Variants in SLC4A5 observed in about 807,000 individuals in gnomAD.
SLC4A5 encodes electrogenic sodium bicarbonate cotransporter 4.
In SLC4A5, 96 loss-of-function variants were observed where a neutral mutation model predicts 120.4. That is an observed-to-expected ratio of 0.80 (90% CI 0.68 to 0.94). SLC4A5 has a LOEUF of 0.94. Ranked by LOEUF, SLC4A5 falls within the 40% of genes least tolerant of loss-of-function variation. The pLI, the probability that SLC4A5 is intolerant of heterozygous loss-of-function variation, is 0.00. For missense variants in SLC4A5, 1,259 were observed against 1,459.5 expected (o/e 0.86, Z 2.24); for synonymous variants, 550 against 571.1 (o/e 0.96, Z 0.53).
intron 6 of SLC4A5, among the ~76,000 whole-genome samples, chr2:74,311,763 G>C (rs1468355539): frequency 1.3e-5 from 2 of 152,138 alleles, no homozygotes; most frequent in Non-Finnish European, 2.9e-5. Context: ...AGCTTGAGAA[G>C]AATGTGCATT....
chr2:74,250,651 AC>A, intron 16 of SLC4A5, 134 bp from the exon 17 acceptor site: 1 of 1,064,936 alleles, frequency 9.4e-7, no homozygotes, highest in Non-Finnish European at 1.4e-6. Context: ...AGATCTTTCC[AC>A]CAGAACATTT....
chr2:74,261,217 C>G (rs1466799907), intron 11 of SLC4A5, among the ~76,000 whole-genome samples: 2 of 152,210 alleles, frequency 1.3e-5, no homozygotes, highest in Non-Finnish European at 2.9e-5. Context: ...TAAGCAGTGT[C>G]AGTAGGGAGG....
intron 8 of SLC4A5, 132 bp downstream of exon 8, chr2:74,285,641 A>G (rs922879602): frequency 9.9e-7 from 1 of 1,008,456 alleles, no homozygotes; most frequent in Admixed American, 2.7e-5. Flanking sequence ...ACACCAAGGA[A>G]GGCAGCTGGG....
intron 4 of SLC4A5, among the ~76,000 whole-genome samples, chr2:74,330,165 T>C (rs1673317415): frequency 8.5e-6 from 1 of 117,238 alleles, no homozygotes; most frequent in Non-Finnish European, 1.8e-5. Flanking sequence ...TAGATGGAGG[T>C]AGCGAGGTCT....
At chr2:74,305,164 T>A (rs907610265) in intron 6 of SLC4A5, among the ~76,000 whole-genome samples, 2 of 152,188 alleles carry the variant, frequency 1.3e-5, no homozygotes, top group African/African-American at 2.4e-5. Flanking sequence ...GCTGGCTTTG[T>A]AAACTAAAAT....
intron 6 of SLC4A5, chr2:74,307,042 C>G: frequency 1.7e-6 from 1 of 573,680 alleles, no homozygotes; most frequent in Non-Finnish European, 3.3e-6. Flanking sequence ...GCCTCCACCT[C>G]CCTCAGGCTG....
intron 25 of SLC4A5, among the ~76,000 whole-genome samples, chr2:74,229,729 G>A (rs1694992854): frequency 6.6e-6 from 1 of 152,038 alleles, no homozygotes; most frequent in African/African-American, 2.4e-5. Context: ...CCCCCACAAG[G>A]GAAATATCCC....
chr2:74,227,217 G>C, intron 26 of SLC4A5, 87 bp from the exon 27 acceptor site: 1 of 1,438,314 alleles, frequency 7.0e-7, no homozygotes, highest in Non-Finnish European at 9.3e-7. Context: ...GCCTGGGTGG[G>C]GTCTCAGAGA....
chr2:74,294,867 C>T (rs1319445094), intron 7 of SLC4A5, among the ~76,000 whole-genome samples: 3 of 151,990 alleles, frequency 2.0e-5, no homozygotes, highest in East Asian at 1.9e-4. Flanking sequence ...AAACTGGGTT[C>T]GCCATGTTGG....
chr2:74,229,749 G>A (rs1694993179), intron 25 of SLC4A5, among the ~76,000 whole-genome samples: 1 of 152,110 alleles, frequency 6.6e-6, no homozygotes, highest in Admixed American at 6.5e-5. Flanking sequence ...CTTAAAAAAT[G>A]CCAGCCTCCT....
At chr2:74,259,401 G>A (rs761548046) in intron 12 of SLC4A5, among the ~76,000 whole-genome samples, 187 bp downstream of exon 12, 17 of 152,120 alleles carry the variant, frequency 1.1e-4, no homozygotes, top group African/African-American at 1.9e-4. Flanking sequence ...CTGGGACTCC[G>A]TCATTCCCCG....
intron 18 of SLC4A5, among the ~76,000 whole-genome samples, chr2:74,247,805 A>G: frequency 6.6e-6 from 1 of 152,066 alleles, no homozygotes. Flanking sequence ...GTGAGCCACC[A>G]CGCCCGGCCA....
At position 74,308,523 on chromosome 2, in the gene SLC4A5, T is replaced by C. The variant is rs200294966; in HGVS notation, c.80-3843A>G. Among the ~76,000 whole-genome samples the C allele has an allele frequency of 7.2e-5, 11 of 152,356 alleles. No individual in the cohort carries two copies. In the East Asian group the frequency reaches 1.7e-3, roughly 24 times the overall value. On this transcript the variant is annotated intron_variant, in intron 6 of 30. Transcript: ENST00000394019. The stretch of plus-strand genomic sequence containing the variant: ...CTTATTTGCCATCTGTATATCTTCT[T>C]TGATGAGGTGTTTGCTCATATCTTT...
At chr2:74,326,055 C>T (rs1328168478) in intron 5 of SLC4A5, among the ~76,000 whole-genome samples, 2 of 152,040 alleles carry the variant, frequency 1.3e-5, no homozygotes, top group Admixed American at 6.6e-5. Context: ...CCAGGCCCTT[C>T]CTGAGGCCTG....
intron 5 of SLC4A5, among the ~76,000 whole-genome samples, chr2:74,325,092 G>T (rs1673187773): frequency 1.3e-5 from 2 of 152,074 alleles, no homozygotes; most frequent in Admixed American, 6.6e-5. Flanking sequence ...TTTGAGTTGG[G>T]CTTCTCATGT....
At chr2:74,248,183 G>C (rs189631448) in intron 18 of SLC4A5, among the ~76,000 whole-genome samples, 170 bp downstream of exon 18, 1 of 152,184 alleles carries the variant, frequency 6.6e-6, no homozygotes, top group Non-Finnish European at 1.5e-5. Context: ...CTTAAAGGCA[G>C]GTAGCTGGCA....
chr2:74,307,347 A>G (rs1672675513), intron 6 of SLC4A5: 1 of 588,526 alleles, frequency 1.7e-6, no homozygotes, highest in Non-Finnish European at 3.2e-6. Context: ...CTGGGCTTGT[A>G]GGTCTTTTAC....
chr2:74,229,614 A>G lies in SLC4A5; in HGVS notation c.2847+1622T>C, dbSNP rs377397333. 2.0e-4 allele frequency among the ~76,000 whole-genome samples: 31 copies of G among 152,316 alleles called. 1 individual carries two copies. The East Asian group carries it at 4.6e-3, about 23-fold the overall frequency. ...TTAAACAGTGTCAAAATTGACATAC[A>G]CAATGGCACCTTAGAACCCTCTCTA... is the stretch of plus-strand genomic sequence containing the variant. On this transcript the variant is annotated intron_variant, in intron 25 of 30. Transcript: ENST00000394019.
intron 19 of SLC4A5, among the ~76,000 whole-genome samples, chr2:74,243,868 T>G (rs1670524805): frequency 6.6e-6 from 1 of 152,214 alleles, no homozygotes; most frequent in Non-Finnish European, 1.5e-5. Context: ...GGTACTCACT[T>G]GGGATTGAAA....
Sources: allele counts gnomAD v4.1 joint callset (sites outside exome capture counted in the v4.1 genomes callset), GRCh38; gene constraint gnomAD v4.1.1; transcripts MANE v1.5; gene names NCBI Gene and HGNC (gene_info 2026-07-23, HGNC 2026-07-21).